Variants in CALN1 observed in about 807,000 individuals in gnomAD.
CALN1 encodes the protein calcium-binding protein 8.
CALN1 carries 17 observed loss-of-function variants against 30.6 expected under a neutral mutation model. That is an observed-to-expected ratio of 0.56 (90% CI 0.38 to 0.83). The LOEUF (loss-of-function observed/expected upper bound fraction) is 0.83. Among genes scored for constraint, CALN1 ranks in the 40% least tolerant of loss-of-function variants. The probability of loss-of-function intolerance (pLI) is 0.00; values close to 1 mark genes in which losing one functional copy is unlikely to be tolerated. For missense variants in CALN1, 291 were observed against 354.9 expected (o/e 0.82, Z 1.45); for synonymous variants, 156 against 131.4 (o/e 1.19, Z -1.28).
intron 4 of CALN1, among the ~76,000 whole-genome samples, chr7:72,070,388 G>A (rs1204636955): frequency 6.6e-6 from 1 of 152,184 alleles, no homozygotes; most frequent in Non-Finnish European, 1.5e-5. Context: ...TCCAACTGCT[G>A]CAGGTCCATG....
chr7:72,203,991 T>A lies in CALN1; in HGVS notation c.244+74695A>T, dbSNP rs1344109354. Among the ~76,000 whole-genome samples the A allele has an allele frequency of 1.1e-4, 9 of 82,544 alleles. No individual in the cohort carries two copies. The Admixed American group carries it at 1.1e-3, about 10-fold the overall frequency. The allele number at this position is 82,544 out of a possible 152,430, so 54.2% of individuals were successfully genotyped here. A position where few individuals can be genotyped will look rare whatever the true frequency, so the allele number is the denominator to read the frequency against. ...AAGAGGCCTCTCTCTTTTTTTTTTT[T>A]TTTTTTTTTTTTTTTTTTGAGACAG... On this transcript the variant is annotated intron_variant, in intron 3 of 6. Transcript: ENST00000395275.
At chr7:72,064,125 T>C (rs1803856062) in intron 4 of CALN1, among the ~76,000 whole-genome samples, 1 of 151,726 alleles carries the variant, frequency 6.6e-6, no homozygotes, top group Non-Finnish European at 1.5e-5. Flanking sequence ...CTACTACAAA[T>C]ACAAAAATTA....
intron 4 of CALN1, among the ~76,000 whole-genome samples, chr7:72,050,118 C>T (rs771517388): frequency 1.6e-4 from 24 of 152,016 alleles, no homozygotes; most frequent in Non-Finnish European, 2.6e-4. Flanking sequence ...CTCGCCCGGC[C>T]GAAGGTAGGT....
intron 3 of CALN1, among the ~76,000 whole-genome samples, chr7:72,276,645 T>C (rs968897022): frequency 1.3e-5 from 2 of 151,666 alleles, no homozygotes; most frequent in Non-Finnish European, 2.9e-5. Context: ...GAGTTCATTA[T>C]CCAGAGCGTG....
chr7:72,485,728 G>A, the CALN1 span, among the ~76,000 whole-genome samples: 17 of 152,170 alleles, frequency 1.1e-4, no homozygotes, highest in Admixed American at 3.3e-4. Context: ...AAAATTAGCC[G>A]GGTGTGGTGG....
At chr7:72,146,327 AACAG>A (rs543269500) in intron 3 of CALN1, among the ~76,000 whole-genome samples, 153 of 152,122 alleles carry the variant, frequency 1.0e-3, no homozygotes, top group African/African-American at 2.9e-3. Context: ...ATACACCAAT[AACAG>A]ACAGAGAGCC....
At chr7:72,168,560 G>A (rs1215434314) in intron 3 of CALN1, among the ~76,000 whole-genome samples, 1 of 152,010 alleles carries the variant, frequency 6.6e-6, no homozygotes, top group African/African-American at 2.4e-5. Context: ...AGCTAGACGT[G>A]GCACCCATCT....
chr7:71,985,430 G>A (rs1208428732), intron 5 of CALN1, among the ~76,000 whole-genome samples: 1 of 151,978 alleles, frequency 6.6e-6, no homozygotes, highest in African/African-American at 2.4e-5. Flanking sequence ...GATTGAATGA[G>A]CCCAGCAGTT....
intron 5 of CALN1, among the ~76,000 whole-genome samples, chr7:71,926,761 T>C (rs1262354048): frequency 6.6e-6 from 1 of 152,228 alleles, no homozygotes; most frequent in Non-Finnish European, 1.5e-5. Context: ...AAATTTTTTC[T>C]TTGGCTGTGT....
chr7:72,078,137 G>A (rs940036218), intron 4 of CALN1, among the ~76,000 whole-genome samples: 17 of 152,208 alleles, frequency 1.1e-4, no homozygotes, highest in Non-Finnish European at 1.5e-5. Context: ...GCTTAGGGGA[G>A]CGAGGAGTGG....
At chr7:71,938,751 C>T (rs538497779) in intron 5 of CALN1, among the ~76,000 whole-genome samples, 7 of 152,128 alleles carry the variant, frequency 4.6e-5, no homozygotes, top group African/African-American at 1.4e-4. Context: ...GCCGAGATGG[C>T]GCCACTCCAG....
intron 2 of CALN1, among the ~76,000 whole-genome samples, chr7:72,346,799 G>A (rs1424535799): frequency 1.3e-5 from 2 of 152,154 alleles, no homozygotes; most frequent in Non-Finnish European, 2.9e-5. Flanking sequence ...ACAGGTGTGA[G>A]CTGCAGCGCC....
chr7:72,339,423 C>A (rs1802280484), intron 2 of CALN1, among the ~76,000 whole-genome samples: 1 of 152,120 alleles, frequency 6.6e-6, no homozygotes, highest in African/African-American at 2.4e-5. Flanking sequence ...GAGTACCCCT[C>A]CCCTACCCCA....
intron 2 of CALN1, among the ~76,000 whole-genome samples, chr7:72,387,675 C>T (rs1454618588): frequency 6.6e-6 from 1 of 152,130 alleles, no homozygotes; most frequent in Non-Finnish European, 1.5e-5. Flanking sequence ...AATATACATA[C>T]CCAATACTTT....
At chr7:71,919,315 G>C (rs1157987717) in intron 5 of CALN1, among the ~76,000 whole-genome samples, 1 of 152,202 alleles carries the variant, frequency 6.6e-6, no homozygotes, top group East Asian at 1.9e-4. Flanking sequence ...ATGTAAGACT[G>C]TCCACCAGCT....
At chr7:71,953,600 T>C (rs1357884057) in intron 5 of CALN1, among the ~76,000 whole-genome samples, 2 of 152,170 alleles carry the variant, frequency 1.3e-5, no homozygotes, top group East Asian at 3.9e-4. Flanking sequence ...AACAGCATTT[T>C]ACCTTCATAA....
chr7:72,186,185 G>A (rs1044446775), intron 3 of CALN1, among the ~76,000 whole-genome samples: 4 of 152,144 alleles, frequency 2.6e-5, no homozygotes, highest in Non-Finnish European at 5.9e-5. Context: ...AAGGAATGCA[G>A]CCCTGCTGCC....
At chr7:71,964,895 G>A (rs544914470) in intron 5 of CALN1, among the ~76,000 whole-genome samples, 1 of 152,266 alleles carries the variant, frequency 6.6e-6, no homozygotes, top group Non-Finnish European at 1.5e-5. Flanking sequence ...AATCTGTAAG[G>A]AATAGATGGT....
chr7:72,188,831 C>T (rs1166138599), intron 3 of CALN1, among the ~76,000 whole-genome samples: 1 of 152,076 alleles, frequency 6.6e-6, no homozygotes, highest in African/African-American at 2.4e-5. Flanking sequence ...CGTCTTTCTC[C>T]CACCTTCTCA....
Sources: allele counts gnomAD v4.1 joint callset (sites outside exome capture counted in the v4.1 genomes callset), GRCh38; gene constraint gnomAD v4.1.1; transcripts MANE v1.5; gene names NCBI Gene and HGNC (gene_info 2026-07-23, HGNC 2026-07-21).